GABRR3: variants seen among roughly 807,000 people sequenced by gnomAD.
The protein encoded by GABRR3 is gamma-aminobutyric acid type A receptor subunit rho3.
Under a neutral mutation model 43.2 loss-of-function variants are expected in GABRR3, and 29 were observed. That is an observed-to-expected ratio of 0.67 (90% CI 0.50 to 0.92). The LOEUF is 0.92. Ranked by LOEUF, GABRR3 falls within the 40% of genes least tolerant of loss-of-function variation. The pLI is 0.00. For missense variants in GABRR3, 576 were observed against 572.3 expected, an observed-to-expected ratio of 1.01 and a Z score of -0.07; for synonymous variants, 206 against 195.9, an observed-to-expected ratio of 1.05 and a Z score of -0.43.
Position 98,018,549 on chromosome 3 carries a change from A to G in GABRR3, c.239-827T>C, listed in dbSNP as rs375557484. 3.5e-4 allele frequency among the ~76,000 whole-genome samples: 54 copies of G among 152,344 alleles called. No homozygotes were observed. In the Middle Eastern group the frequency reaches 0.01, roughly 29 times the overall value. On this transcript the variant is annotated intron_variant, in intron 3 of 9. Coordinates refer to ENST00000621172, the Ensembl canonical transcript of GABRR3. ...CTGACATTTCCTAGTTACACCTAAC[A>G]AACGATTTCACCACTTCCAGTGTGA... is the stretch of plus-strand genomic sequence containing the variant.
At chr3:97,999,891 G>T (rs918010051) in intron 8 of GABRR3, 1 of 152,098 alleles carries the variant, frequency 6.6e-6, no homozygotes, top group Non-Finnish European at 1.5e-5. Flanking sequence ...CAAATGCTGT[G>T]GAGAAGGTGA....
chr3:98,025,818 C>T (rs1360838645), intron 2 of GABRR3, 139 bp from the exon 3 acceptor site: 3 of 565,678 alleles, frequency 5.3e-6, no homozygotes, highest in Non-Finnish European at 9.2e-6. Context: ...TCATATTAAG[C>T]CAAAGAGCTG....
intron 2 of GABRR3, among the ~76,000 whole-genome samples, chr3:98,025,933 T>C (rs1045049657): frequency 6.6e-6 from 1 of 152,172 alleles, no homozygotes; most frequent in African/African-American, 2.4e-5. Context: ...CAAACTCATA[T>C]TGTTTCTCAG....
chr3:98,015,421 C>A (rs186760826), intron 4 of GABRR3, among the ~76,000 whole-genome samples: 6 of 152,328 alleles, frequency 3.9e-5, no homozygotes, highest in Admixed American at 3.3e-4. Flanking sequence ...GTCTCGAACT[C>A]CTGACCTCAA....
Position 98,012,686 on chromosome 3 carries a change from T to G in GABRR3, c.307-119A>C, listed in dbSNP as rs571252432. 178 of 665,796 alleles carry G rather than the reference T, an allele frequency of 2.7e-4. No homozygotes were observed. In the African/African-American group the frequency reaches 3.1e-3, roughly 11 times the overall value. 41.2% of individuals were successfully genotyped at this position (665,796 alleles called of 1,614,324 possible). A position where few individuals can be genotyped will look rare whatever the true frequency, so the allele number is the denominator to read the frequency against. On this transcript the variant is annotated intron_variant, in intron 4 of 9. Transcript: ENST00000621172. ...TGTTAATGACTTTTAAGTGAATGGT[T>G]AATATTGTAGTTTCAAGTAGATCTA...
At chr3:98,000,419 G>C (rs1200334530) in intron 8 of GABRR3, 1 of 152,122 alleles carries the variant, frequency 6.6e-6, no homozygotes, top group African/African-American at 2.4e-5. Context: ...CCTTGGTCTT[G>C]TATTTGGGTC....
At chr3:98,016,265 C>T (rs576864698) in intron 4 of GABRR3, among the ~76,000 whole-genome samples, 1 of 152,246 alleles carries the variant, frequency 6.6e-6, no homozygotes, top group Admixed American at 6.5e-5. Context: ...AGCTTGGAGC[C>T]ATCTTCTTAG....
chr3:98,012,574 A>T lies in GABRR3; in HGVS notation c.307-7T>A, dbSNP rs756674739. On this transcript the variant is annotated splice_polypyrimidine_tract_variant and splice_region_variant and intron_variant, in intron 4 of 9. Coordinates refer to ENST00000621172, the Ensembl canonical transcript of GABRR3. ...AAAAAGTCATTGTAAAGTCCTAGACAGAGAGAAAAAGAGACCAAAAAAACC... is the reference window on the plus strand; with the variant it reads ...AAAAAGTCATTGTAAAGTCCTAGACTGAGAGAAAAAGAGACCAAAAAAACC... 6 of 1,577,014 alleles carry T rather than the reference A, an allele frequency of 3.8e-6. No individual in the cohort carries two copies. The highest frequency in any genetic ancestry group is 2.3e-5 in the East Asian group (1 of 43,526).
intron 9 of GABRR3, 101 bp from the exon 10 acceptor site, chr3:97,987,083 A>G (rs1576032616): frequency 2.5e-6 from 2 of 809,312 alleles, no homozygotes; most frequent in East Asian, 5.5e-5. Flanking sequence ...TTATCAGAAC[A>G]GCAAGATAGG....
At chr3:97,999,428 T>C (rs927800765) in intron 8 of GABRR3, 5 of 152,104 alleles carry the variant, frequency 3.3e-5, no homozygotes, top group Non-Finnish European at 7.4e-5. Context: ...TGAACGCTTG[T>C]AGTATCTGAA....
At chr3:97,989,237 G>A (rs1706430722) in intron 9 of GABRR3, among the ~76,000 whole-genome samples, 1 of 151,062 alleles carries the variant, frequency 6.6e-6, no homozygotes, top group African/African-American at 2.4e-5. Context: ...GTGGATGGTG[G>A]TGAACAGTGG....
At chr3:98,033,149 C>A (rs918595186) in intron 2 of GABRR3, among the ~76,000 whole-genome samples, 1 of 152,102 alleles carries the variant, frequency 6.6e-6, no homozygotes. Context: ...ACTTCTGGAC[C>A]AGTGTGATGG....
intron 4 of GABRR3, among the ~76,000 whole-genome samples, chr3:98,014,191 C>A (rs924517102): frequency 2.6e-5 from 4 of 152,180 alleles, no homozygotes; most frequent in African/African-American, 9.7e-5. Flanking sequence ...CACAGCTAAC[C>A]TTATTCAGGA....
intron 5 of GABRR3, 146 bp downstream of exon 5, chr3:98,012,198 A>C: frequency 1.5e-6 from 1 of 645,284 alleles, no homozygotes; most frequent in South Asian, 2.0e-5. Flanking sequence ...AACCAGGGGA[A>C]AATCACATCT....
intron 8 of GABRR3, among the ~76,000 whole-genome samples, chr3:97,997,067 C>T (rs1295520613): frequency 6.6e-6 from 1 of 152,144 alleles, no homozygotes; most frequent in Non-Finnish European, 1.5e-5. Context: ...CCTTAAGGAG[C>T]TCACATTCTA....
chr3:98,016,940 G>A (rs924943080), intron 4 of GABRR3, among the ~76,000 whole-genome samples: 1 of 152,098 alleles, frequency 6.6e-6, no homozygotes, highest in African/African-American at 2.4e-5. Flanking sequence ...AAGTGATTAA[G>A]GGACGGGAAG....
chr3:98,010,071 GACAACA>G (rs765905491), intron 5 of GABRR3, among the ~76,000 whole-genome samples: 1 of 152,142 alleles, frequency 6.6e-6, no homozygotes, highest in East Asian at 1.9e-4. Context: ...GAGCTGTGCT[GACAACA>G]ATTTTGAGTT....
intron 5 of GABRR3, among the ~76,000 whole-genome samples, chr3:98,011,299 A>G (rs1706788605): frequency 6.6e-6 from 1 of 152,208 alleles, no homozygotes; most frequent in Admixed American, 6.5e-5. Context: ...GTTTAATACA[A>G]CAGAAATTTA....
At chr3:98,028,669 A>T (rs1707051133) in intron 2 of GABRR3, among the ~76,000 whole-genome samples, 1 of 152,128 alleles carries the variant, frequency 6.6e-6, no homozygotes, top group African/African-American at 2.4e-5. Flanking sequence ...GTAATAAAGG[A>T]CACTGCAGGT....
Sources: allele counts gnomAD v4.1 joint callset (sites outside exome capture counted in the v4.1 genomes callset), GRCh38; gene constraint gnomAD v4.1.1; transcripts MANE v1.5; gene names NCBI Gene and HGNC (gene_info 2026-07-23, HGNC 2026-07-21).